The following KIAA0825 variants were observed in gnomAD, a reference collection of about 807,000 sequenced individuals.
The protein encoded by KIAA0825 is KIAA0825, also known as uncharacterized protein KIAA0825.
In KIAA0825, 119 loss-of-function variants were observed where a neutral mutation model predicts 147.6. The ratio of observed to expected loss-of-function variants is 0.81; its 90% CI spans 0.69 to 0.94. The LOEUF is 0.94. KIAA0825 is among the 40% of genes least tolerant of loss of function. KIAA0825 has a pLI of 0.00. For synonymous variants in KIAA0825, 470 were observed against 518.1 expected, an observed-to-expected ratio of 0.91 and a Z score of 1.26; for missense variants, 1,381 against 1,472.7, an observed-to-expected ratio of 0.94 and a Z score of 1.02.
rs1756582160 is a variant in KIAA0825 at position 94,437,943 on chromosome 5, T to C, written c.2497+2039A>G. 3.9e-5 allele frequency among the ~76,000 whole-genome samples: 6 copies of C among 152,188 alleles called. No individual in the cohort carries two copies. In the South Asian group the frequency reaches 1.2e-3, roughly 31 times the overall value. ...GCCAAGCACTGTTTACTGGACTGTTTATGTAAAAAGCACTGTGCCAGCTTA... is the reference window on the plus strand; with the variant it reads ...GCCAAGCACTGTTTACTGGACTGTTCATGTAAAAAGCACTGTGCCAGCTTA... On this transcript the variant is annotated intron_variant, in intron 14 of 20. Coordinates refer to ENST00000682413, the MANE Select transcript of KIAA0825 (RefSeq NM_001145678.3).
intron 2 of KIAA0825, among the ~76,000 whole-genome samples, chr5:94,555,223 C>G (rs2152272845): frequency 6.6e-6 from 1 of 152,174 alleles, no homozygotes; most frequent in East Asian, 1.9e-4. Flanking sequence ...TTTTAGCCTT[C>G]CCCCAATGAC....
intron 20 of KIAA0825, among the ~76,000 whole-genome samples, chr5:94,215,312 C>T (rs1302273923): frequency 6.6e-6 from 1 of 152,158 alleles, no homozygotes; most frequent in Non-Finnish European, 1.5e-5. Context: ...AAATGTCCAT[C>T]TGGCAGGTAC....
chr5:94,417,494 A>G (rs1753618637), intron 14 of KIAA0825, 129 bp from the exon 15 acceptor site: 1 of 668,680 alleles, frequency 1.5e-6, no homozygotes, highest in Admixed American at 3.1e-5. Flanking sequence ...ACATAAAAAG[A>G]GAATTACCAG....
intron 20 of KIAA0825, among the ~76,000 whole-genome samples, chr5:94,344,439 G>T (rs2150341791): frequency 6.6e-6 from 1 of 152,342 alleles, no homozygotes; most frequent in East Asian, 1.9e-4. Context: ...ATCTGGATAA[G>T]TTAGAACACT....
At chr5:94,591,169 G>T (rs539964984) in intron 1 of KIAA0825, among the ~76,000 whole-genome samples, 1 of 152,122 alleles carries the variant, frequency 6.6e-6, no homozygotes, top group Non-Finnish European at 1.5e-5. Context: ...AGATGAAAGA[G>T]AATTCACAGA....
intron 20 of KIAA0825, among the ~76,000 whole-genome samples, chr5:94,341,136 ATTACT>A (rs1213969903): frequency 1.3e-5 from 2 of 152,248 alleles, no homozygotes; most frequent in Non-Finnish European, 2.9e-5. Flanking sequence ...AACAGATGAT[ATTACT>A]TTAATTGTTA....
chr5:94,460,354 T>C (rs1477369771), intron 12 of KIAA0825, among the ~76,000 whole-genome samples: 1 of 152,128 alleles, frequency 6.6e-6, no homozygotes, highest in Non-Finnish European at 1.5e-5. Context: ...ACACATATTT[T>C]TGCAAACAGG....
intron 20 of KIAA0825, among the ~76,000 whole-genome samples, chr5:94,287,966 G>A (rs1777728642): frequency 6.6e-6 from 1 of 152,048 alleles, no homozygotes; most frequent in South Asian, 2.1e-4. Context: ...GGGTCCTAGA[G>A]GCTCAAAAAT....
rs1753602360 is a variant in KIAA0825 at position 94,417,375 on chromosome 5, T to C, written c.2498-10A>G. The C allele has an allele frequency of 6.5e-7, 1 of 1,538,110 alleles. No homozygotes were observed. On this transcript the variant is annotated splice_polypyrimidine_tract_variant and intron_variant, in intron 14 of 20. Transcript: ENST00000682413. ...GTGTCGGAAACTTGTTCTTGAAAGGTACGTTCTTGAAAGGAATCAAAATGA... is the reference window on the plus strand; with the variant it reads ...GTGTCGGAAACTTGTTCTTGAAAGGCACGTTCTTGAAAGGAATCAAAATGA...
chr5:94,540,599 T>C (rs1773100195), intron 2 of KIAA0825, among the ~76,000 whole-genome samples: 1 of 152,212 alleles, frequency 6.6e-6, no homozygotes, highest in African/African-American at 2.4e-5. Context: ...GCTTGATTAA[T>C]TGGCTTAATA....
At chr5:94,275,021 C>T (rs1464674792) in intron 20 of KIAA0825, among the ~76,000 whole-genome samples, 1 of 152,124 alleles carries the variant, frequency 6.6e-6, no homozygotes. Flanking sequence ...AGGTACTGTG[C>T]TATTGCCTCA....
Position 94,166,504 on chromosome 5 carries a change from G to GTTTTTT in KIAA0825, c.3711-12386_3711-12381dup, listed in dbSNP as rs535152982. ...ATAATTCATGTCCTTCCTCTTGGTT[G>GTTTTTT]TTTTTTTTTTTTTTTTTTTTTGAGA... On this transcript the variant is annotated intron_variant, in intron 20 of 20. Transcript: ENST00000682413. 3.3e-3 allele frequency among the ~76,000 whole-genome samples: 333 copies of GTTTTTT among 100,762 alleles called. 11 individuals are homozygous for GTTTTTT. The highest frequency in any genetic ancestry group is 0.014 in the Middle Eastern group (2 of 148). 66.1% of individuals were successfully genotyped at this position (100,762 alleles called of 152,430 possible).
intron 18 of KIAA0825, among the ~76,000 whole-genome samples, chr5:94,388,828 T>G (rs1014264433): frequency 6.6e-6 from 1 of 152,230 alleles, no homozygotes; most frequent in African/African-American, 2.4e-5. Flanking sequence ...ATTTCCATTC[T>G]TTCTTGAACA....
At position 94,396,412 on chromosome 5, in the gene KIAA0825, A is replaced by G; in HGVS notation, c.2985T>C (p.Phe995=). 1 of 1,550,688 alleles carries G rather than the reference A, an allele frequency of 6.4e-7. No individual in the cohort carries two copies. Among genetic ancestry groups the G allele is most frequent in the Non-Finnish European group, 8.7e-7 (1 of 1,146,682 alleles). Residue 995 remains phenylalanine, a synonymous_variant, in exon 17 of 21, where the codon TTT becomes TTC. Coordinates refer to ENST00000682413, the MANE Select transcript of KIAA0825 (RefSeq NM_001145678.3). Reference sequence around the variant, plus strand: ...TTTTTGACATTTTTCTCTCAGACAGAAAAAAGAAGTATTTAACTGGGGGAG... The same window carrying G: ...TTTTTGACATTTTTCTCTCAGACAGGAAAAAGAAGTATTTAACTGGGGGAG... ...CLPPPVKYFF[F]LSERKMSKKF...
intron 20 of KIAA0825, among the ~76,000 whole-genome samples, chr5:94,205,268 C>CATATATAT (rs5869623): frequency 0.047 from 4,214 of 89,950 alleles, 140 homozygotes; most frequent in Non-Finnish European, 0.057. Flanking sequence ...ACTATTTAAT[C>CATATATAT]ATATATATAT....
In KIAA0825 at chr5:94,476,417, C is replaced by A. The variant is rs369633520; in HGVS notation, c.1227+694G>T. Among the ~76,000 whole-genome samples the A allele has an allele frequency of 1.2e-4, 18 of 152,196 alleles. No homozygotes were observed. The South Asian group carries it at 3.7e-3, about 32-fold the overall frequency. On this transcript the variant is annotated intron_variant, in intron 7 of 20. Transcript: ENST00000682413. The stretch of plus-strand genomic sequence containing the variant: ...AAGAGTAGCTCCTGGGGCTACCAGT[C>A]GAAGCTAAAGCCCAAGCAGACCTGC...
At chr5:94,540,679 CT>C (rs1773116808) in intron 2 of KIAA0825, among the ~76,000 whole-genome samples, 1 of 152,246 alleles carries the variant, frequency 6.6e-6, no homozygotes, top group South Asian at 2.1e-4. Context: ...GTTCATGTGA[CT>C]GAAGTAATAT....
At position 94,592,853 on chromosome 5, in the gene KIAA0825, T is replaced by C. The variant is rs1784595390; in HGVS notation, c.-152-10270A>G. The C allele has an allele frequency of 1.0e-5, 6 of 577,864 alleles. 1 individual carries two copies. The highest frequency in any genetic ancestry group is 2.0e-5 in the Non-Finnish European group (6 of 306,020). 35.8% of individuals were successfully genotyped at this position (577,864 alleles called of 1,614,324 possible). On this transcript the variant is annotated intron_variant, in intron 1 of 20. Transcript: ENST00000682413. ...ATTTGTCCATTCTCCTGGACTGTGT[T>C]TCAATTTCGACTCATCAGTTGTGAA... is the stretch of plus-strand genomic sequence containing the variant.
chr5:94,245,771 C>T (rs1248850635), intron 20 of KIAA0825, among the ~76,000 whole-genome samples: 1 of 152,076 alleles, frequency 6.6e-6, no homozygotes, highest in Non-Finnish European at 1.5e-5. Flanking sequence ...CAGTTCTACC[C>T]TCATGGAATC....
Sources: allele counts gnomAD v4.1 joint callset (sites outside exome capture counted in the v4.1 genomes callset), GRCh38; gene constraint gnomAD v4.1.1; transcripts MANE v1.5; gene names NCBI Gene and HGNC (gene_info 2026-07-23, HGNC 2026-07-21).